Variants in CHODL observed in about 807,000 individuals in gnomAD.
The protein encoded by CHODL is chondrolectin.
A neutral mutation model predicts 34.5 loss-of-function variants in CHODL; 29 were observed. That is an observed-to-expected ratio of 0.84 (90% CI 0.63 to 1.15). The LOEUF is 1.15. CHODL is among the 50% of genes most tolerant of loss of function. The pLI, the probability that CHODL is intolerant of heterozygous loss-of-function variation, is 0.00. For synonymous variants in CHODL, 125 were observed against 116.1 expected (o/e 1.08, Z -0.49); for missense variants, 332 against 332.5 (o/e 1.00, Z 0.01).
intron 2 of CHODL, among the ~76,000 whole-genome samples, chr21:18,125,223 C>A (rs888352685): frequency 6.6e-6 from 1 of 152,154 alleles, no homozygotes; most frequent in Admixed American, 6.5e-5. Flanking sequence ...AATAATGTAA[C>A]TTAAAACACA....
intron 1 of CHODL, among the ~76,000 whole-genome samples, chr21:17,941,497 T>C (rs1052753848): frequency 1.6e-3 from 238 of 151,036 alleles, no homozygotes; most frequent in African/African-American, 5.5e-3. Context: ...CCTGGCTTTC[T>C]GGCCAATGAA....
chr21:17,948,990 A>G (rs1434373636), intron 1 of CHODL, among the ~76,000 whole-genome samples: 1 of 152,184 alleles, frequency 6.6e-6, no homozygotes, highest in South Asian at 2.1e-4. Flanking sequence ...ACATGTAACT[A>G]TGGAATGCAA....
intron 1 of CHODL, among the ~76,000 whole-genome samples, chr21:17,918,863 T>C (rs2063161993): frequency 6.6e-6 from 1 of 152,298 alleles, no homozygotes; most frequent in Non-Finnish European, 1.5e-5. Context: ...GGTACAGGAA[T>C]TGGGTAAATG....
intron 2 of CHODL, among the ~76,000 whole-genome samples, chr21:18,170,223 T>C (rs147956881): frequency 1.3e-5 from 2 of 152,204 alleles, no homozygotes; most frequent in African/African-American, 4.8e-5. Context: ...CCTATTTCGA[T>C]ATAAGTATAC....
At chr21:18,103,899 G>A (rs1288618467) in intron 2 of CHODL, among the ~76,000 whole-genome samples, 1 of 152,132 alleles carries the variant, frequency 6.6e-6, no homozygotes, top group Non-Finnish European at 1.5e-5. Flanking sequence ...CCAGAGGAAG[G>A]GGATTAGACC....
chr21:18,108,322 A>T (rs146302200), intron 2 of CHODL, among the ~76,000 whole-genome samples: 85 of 152,314 alleles, frequency 5.6e-4, no homozygotes, highest in African/African-American at 1.6e-3. Flanking sequence ...AATAGATGGA[A>T]TTGGGAGTGA....
chr21:18,013,703 C>T (rs193056686), intron 1 of CHODL, among the ~76,000 whole-genome samples: 13 of 127,176 alleles, frequency 1.0e-4, no homozygotes, highest in Admixed American at 9.4e-4. Flanking sequence ...GGTGTGATCT[C>T]GGTTCACTGC....
intron 2 of CHODL, among the ~76,000 whole-genome samples, chr21:18,069,487 T>G (rs1372692906): frequency 6.6e-6 from 1 of 151,860 alleles, no homozygotes; most frequent in Non-Finnish European, 1.5e-5. Context: ...TATACATATA[T>G]AAAGTCTGTA....
At chr21:18,163,087 G>A (rs1370131944) in intron 2 of CHODL, among the ~76,000 whole-genome samples, 1 of 152,172 alleles carries the variant, frequency 6.6e-6, no homozygotes, top group Non-Finnish European at 1.5e-5. Flanking sequence ...AAGGATACTA[G>A]AGTGTTTACA....
chr21:18,017,103 T>C (rs116759209), intron 1 of CHODL, among the ~76,000 whole-genome samples: 5,063 of 152,278 alleles, frequency 0.033, 299 homozygotes, highest in African/African-American at 0.12. Context: ...CAATTGGACT[T>C]TTGAGTTAAT....
intron 2 of CHODL, among the ~76,000 whole-genome samples, chr21:18,056,493 G>A (rs2064582322): frequency 6.7e-6 from 1 of 148,340 alleles, no homozygotes; most frequent in African/African-American, 2.5e-5. Context: ...TTTTTTTGTG[G>A]TGAGTGGGGC....
intron 1 of CHODL, among the ~76,000 whole-genome samples, chr21:17,999,895 T>G (rs158077): frequency 0.21 from 32,282 of 152,164 alleles, 5,290 homozygotes; most frequent in African/African-American, 0.45. Context: ...TGTGTGAAGA[T>G]GTACACCAAC....
intron 1 of CHODL, among the ~76,000 whole-genome samples, chr21:18,012,626 G>A (rs2064029900): frequency 6.6e-6 from 1 of 152,176 alleles, no homozygotes; most frequent in Non-Finnish European, 1.5e-5. Context: ...AACGAAAACA[G>A]AGTTCTATTA....
intron 2 of CHODL, among the ~76,000 whole-genome samples, chr21:18,154,624 G>A (rs1280897516): frequency 1.3e-5 from 2 of 152,036 alleles, no homozygotes; most frequent in Non-Finnish European, 2.9e-5. Flanking sequence ...TCCATCTGCC[G>A]TCCTAAATTC....
intron 2 of CHODL, among the ~76,000 whole-genome samples, chr21:18,092,974 T>G (rs2065092085): frequency 6.6e-6 from 1 of 151,954 alleles, no homozygotes; most frequent in African/African-American, 2.4e-5. Flanking sequence ...ATATCAACAT[T>G]CAAGTACGAG....
intron 1 of CHODL, among the ~76,000 whole-genome samples, chr21:17,985,768 A>C (rs1288440799): frequency 6.6e-6 from 1 of 152,154 alleles, no homozygotes; most frequent in African/African-American, 2.4e-5. Flanking sequence ...GGAAATAACC[A>C]CTTAAACTAG....
intron 2 of CHODL, among the ~76,000 whole-genome samples, chr21:18,075,360 GA>G (rs1430087174): frequency 6.6e-6 from 1 of 152,096 alleles, no homozygotes; most frequent in Non-Finnish European, 1.5e-5. Flanking sequence ...GAACAAATTA[GA>G]AAGATTGCTC....
Position 17,941,286 on chromosome 21 carries a change from CTTT to C in CHODL, c.-145+23907_-145+23909del, listed in dbSNP as rs34255623. 9.8e-3 allele frequency among the ~76,000 whole-genome samples: 864 copies of C among 87,930 alleles called. 9 individuals carry two copies. The highest frequency in any genetic ancestry group is 0.037 in the African/African-American group (798 of 21,634). 57.7% of individuals were successfully genotyped at this position (87,930 alleles called of 152,430 possible). A position where few individuals can be genotyped will look rare whatever the true frequency, so the allele number is the denominator to read the frequency against. On this transcript the variant is annotated intron_variant, in intron 1 of 6. Transcript: ENST00000400127. Reference sequence around the variant, plus strand: ...GAAAATCCCAAAACTTAACTTGCCTCTTTTTTTTTTTTTTTTTTTTTTTCATCC... The same window carrying C: ...GAAAATCCCAAAACTTAACTTGCCTCTTTTTTTTTTTTTTTTTTTTCATCC...
intron 2 of CHODL, among the ~76,000 whole-genome samples, chr21:18,225,934 G>T (rs2073927247): frequency 6.6e-6 from 1 of 152,036 alleles, no homozygotes; most frequent in Non-Finnish European, 1.5e-5. Context: ...TAGGTCTGGG[G>T]GGCCTTTATG....
Sources: allele counts gnomAD v4.1 joint callset (sites outside exome capture counted in the v4.1 genomes callset), GRCh38; gene constraint gnomAD v4.1.1; transcripts MANE v1.5; gene names NCBI Gene and HGNC (gene_info 2026-07-23, HGNC 2026-07-21).